The following SPAG17 variants were observed in gnomAD, a reference collection of about 807,000 sequenced individuals.
SPAG17 encodes sperm associated antigen 17.
In SPAG17, 169 loss-of-function variants were observed where a neutral mutation model predicts 273.6. That is an observed-to-expected ratio of 0.62 (90% CI 0.55 to 0.70). The LOEUF (loss-of-function observed/expected upper bound fraction) is 0.70. Among genes scored for constraint, SPAG17 ranks in the 30% least tolerant of loss-of-function variants. The pLI is 0.00. For missense variants in SPAG17, 2,557 were observed against 2,627.8 expected (o/e 0.97, Z 0.59); for synonymous variants, 825 against 873.2 (o/e 0.94, Z 0.97).
intron 38 of SPAG17, among the ~76,000 whole-genome samples, chr1:117,989,690 C>T (rs144277211): frequency 0.018 from 2,761 of 152,244 alleles, 37 homozygotes; most frequent in Middle Eastern, 0.037. Context: ...ATCCTCCCAC[C>T]TCAGTCTCCA....
intron 43 of SPAG17, among the ~76,000 whole-genome samples, chr1:117,978,386 C>G (rs986311663): frequency 6.6e-6 from 1 of 152,192 alleles, no homozygotes; most frequent in African/African-American, 2.4e-5. Flanking sequence ...TTCTGTCACT[C>G]AAGTTTTTCC....
In SPAG17 at chr1:117,982,477, G is replaced by A. The variant is rs961131596; in HGVS notation, c.5873-1076C>T. ...AGGATGGTCTCGATCTCCTGACCTC[G>A]TGATCCACCCGCTTTGGCCTCCTAA... On this transcript the variant is annotated intron_variant, in intron 42 of 48. Coordinates refer to ENST00000336338, the MANE Select transcript of SPAG17 (RefSeq NM_206996.4). 1.1e-4 allele frequency among the ~76,000 whole-genome samples: 17 copies of A among 152,088 alleles called. 1 individual carries two copies. Among genetic ancestry groups the A allele is most frequent in the African/African-American group, 1.2e-4 (5 of 41,404 alleles).
At chr1:118,072,979 T>C (rs1479619564) in intron 17 of SPAG17, among the ~76,000 whole-genome samples, 1 of 151,950 alleles carries the variant, frequency 6.6e-6, no homozygotes, top group African/African-American at 2.4e-5. Context: ...GCACTGAAGA[T>C]TTTTGCCTCT....
chr1:117,961,489 T>G (rs1230991536), intron 48 of SPAG17: 1 of 152,168 alleles, frequency 6.6e-6, no homozygotes, highest in Non-Finnish European at 1.5e-5. Flanking sequence ...TACAGGCCTG[T>G]TTAGATGTTC....
chr1:118,074,550 A>G lies in SPAG17; in HGVS notation c.2260T>C (p.Ser754Pro), dbSNP rs1344941275. 1.2e-6 allele frequency: 2 copies of G among 1,613,544 alleles called. No individual in the cohort carries two copies. The highest frequency in any genetic ancestry group is 2.2e-5 in the South Asian group (2 of 91,082). ...AAATAATTCCTTACCTTTTCATGAG[A>G]ATCAGCCTTTGTGACTGCATCATCT... is the stretch of plus-strand genomic sequence containing the variant. ...IKDDAVTKADSHEKKPKKMMV... is the reference protein window; with the variant it reads ...IKDDAVTKADPHEKKPKKMMV... The change falls in exon 16 of 49, where the codon TCT becomes CCT. Residue 754 changes from serine (S) to proline (P), a missense_variant. By Grantham distance (74) the Ser-to-Pro change is moderately conservative. Coordinates refer to ENST00000336338, the MANE Select transcript of SPAG17 (RefSeq NM_206996.4).
chr1:118,082,945 T>C (rs1315714064), intron 13 of SPAG17, among the ~76,000 whole-genome samples: 1 of 152,144 alleles, frequency 6.6e-6, no homozygotes, highest in East Asian at 1.9e-4. Context: ...GAATGGAACA[T>C]GACAGCTTGA....
chr1:118,086,230 A>G (rs1448149584), intron 12 of SPAG17, among the ~76,000 whole-genome samples, 158 bp from the exon 13 acceptor site: 1 of 152,216 alleles, frequency 6.6e-6, no homozygotes, highest in Non-Finnish European at 1.5e-5. Flanking sequence ...ATTTTGCTGA[A>G]GGTCAAAAAG....
intron 48 of SPAG17, chr1:117,955,315 C>T (rs781336176): frequency 6.8e-6 from 11 of 1,610,582 alleles, no homozygotes; most frequent in Non-Finnish European, 8.5e-6. Context: ...TCCTTTATAG[C>T]CTTCAGCTTA....
chr1:118,078,303 C>G (rs1485247072), intron 15 of SPAG17, among the ~76,000 whole-genome samples: 1 of 151,980 alleles, frequency 6.6e-6, no homozygotes, highest in African/African-American at 2.4e-5. Context: ...TGGCCCATAA[C>G]CACTTATTTT....
chr1:118,023,355 A>T lies in SPAG17; in HGVS notation c.4018T>A (p.Ser1340Thr), dbSNP rs771818522. Residue 1340 changes from serine to threonine, a missense_variant, in exon 28 of 49, where the codon TCT becomes ACT. Coordinates refer to ENST00000336338, the MANE Select transcript of SPAG17 (RefSeq NM_206996.4). ...GGTATCGTTTCTGATTTCTGCTGAGAAATAGAGTCCATCAAATCTCCACTG... is the reference window on the plus strand; with the variant it reads ...GGTATCGTTTCTGATTTCTGCTGAGTAATAGAGTCCATCAAATCTCCACTG... ...PHSGDLMDSI[S>T]QQKSETIPSE... is the part of the protein sequence containing the mutation. The T allele has an allele frequency of 1.9e-6, 3 of 1,612,690 alleles. No individual in the cohort carries two copies. Among genetic ancestry groups the T allele is most frequent in the Non-Finnish European group, 2.5e-6 (3 of 1,179,100 alleles).
At chr1:118,018,387 A>G (rs921229924) in intron 28 of SPAG17, among the ~76,000 whole-genome samples, 1 of 152,214 alleles carries the variant, frequency 6.6e-6, no homozygotes, top group Admixed American at 6.5e-5. Flanking sequence ...TATAACCACA[A>G]GTAGATCCTT....
At chr1:118,044,391 A>T (rs917067080) in intron 20 of SPAG17, among the ~76,000 whole-genome samples, 2 of 152,072 alleles carry the variant, frequency 1.3e-5, no homozygotes, top group Non-Finnish European at 2.9e-5. Flanking sequence ...AGGCTGAGGC[A>T]GGAGAATCAC....
At position 118,085,344 on chromosome 1, in the gene SPAG17, G is replaced by A. The variant is rs546062525; in HGVS notation, c.1762+578C>T. On this transcript the variant is annotated intron_variant, in intron 13 of 48. Transcript: ENST00000336338. ...AGATGAAAATTCAAAGACAGGTATC[G>A]CTGAATTGGAGCAAAGTTGCATGGT... 1.2e-4 allele frequency among the ~76,000 whole-genome samples: 18 copies of A among 152,260 alleles called. No individual in the cohort carries two copies. The East Asian group carries it at 2.7e-3, about 23-fold the overall frequency.
intron 48 of SPAG17, 147 bp from the exon 49 acceptor site, chr1:117,954,196 C>T: frequency 1.0e-6 from 1 of 988,958 alleles, no homozygotes; most frequent in South Asian, 1.7e-5. Context: ...TCAGGATATG[C>T]AATAAATGGA....
chr1:117,963,069 TGAGGTTTTTGG>T (rs1266820786), intron 48 of SPAG17: 1 of 152,248 alleles, frequency 6.6e-6, no homozygotes, highest in Non-Finnish European at 1.5e-5. Flanking sequence ...TCTTTATTTC[TGAGGTTTTTGG>T]GATCCAAGCA....
At chr1:118,084,217 A>G (rs1654819393) in intron 13 of SPAG17, among the ~76,000 whole-genome samples, 1 of 152,170 alleles carries the variant, frequency 6.6e-6, no homozygotes, top group African/African-American at 2.4e-5. Context: ...TATACCCTGC[A>G]TGTCCAGGAG....
intron 3 of SPAG17, among the ~76,000 whole-genome samples, chr1:118,145,347 T>C (rs1408963647): frequency 1.3e-5 from 2 of 152,218 alleles, no homozygotes; most frequent in Non-Finnish European, 2.9e-5. Context: ...TAATTAAGCC[T>C]GTGTTCTCAC....
chr1:118,137,170 C>T (rs941383014), intron 3 of SPAG17, among the ~76,000 whole-genome samples: 3 of 152,090 alleles, frequency 2.0e-5, no homozygotes, highest in African/African-American at 7.2e-5. Context: ...CAGTGGTGGC[C>T]TGTGACTATG....
At chr1:117,972,772 G>A (rs185294117) in intron 44 of SPAG17, among the ~76,000 whole-genome samples, 76 of 104,204 alleles carry the variant, frequency 7.3e-4, no homozygotes, top group Admixed American at 2.5e-3. Flanking sequence ...AGTATGCCAT[G>A]GAAGAAAAAA....
Sources: gnomAD v4.1 joint callset for allele counts (sites outside exome capture counted in the v4.1 genomes callset) on GRCh38, gnomAD v4.1.1 for gene constraint, MANE v1.5 for transcripts, NCBI Gene and HGNC (gene_info 2026-07-23, HGNC 2026-07-21) for gene names.